Variants in STIP1 observed in about 807,000 individuals in gnomAD.
STIP1 encodes stress-induced-phosphoprotein 1.
Under a neutral mutation model 77.4 loss-of-function variants are expected in STIP1, and 16 were observed. That is an observed-to-expected ratio of 0.21 (90% CI 0.14 to 0.31). STIP1 has a LOEUF of 0.31. Ranked by LOEUF, STIP1 falls within the 10% of genes least tolerant of loss-of-function variation. The pLI, the probability that STIP1 is intolerant of heterozygous loss-of-function variation, is 1.00. For missense variants in STIP1, 524 were observed against 684.8 expected (o/e 0.77, Z 2.62); for synonymous variants, 258 against 246.6 (o/e 1.05, Z -0.44).
intron 8 of STIP1, 117 bp downstream of exon 8, chr11:64,198,091 CTCTT>C (rs1488991882): frequency 2.2e-6 from 3 of 1,375,700 alleles, no homozygotes; most frequent in Non-Finnish European, 2.9e-6. Context: ...TAGGGTCTCA[CTCTT>C]TCACCCAGGC....
intron 1 of STIP1, among the ~76,000 whole-genome samples, chr11:64,188,398 T>C (rs2134780984): frequency 1.3e-5 from 2 of 152,018 alleles, no homozygotes; most frequent in South Asian, 4.1e-4. Context: ...TATTTTGTAT[T>C]TTTTTTAGAG....
At chr11:64,195,929 A>T (rs1189924990) in intron 5 of STIP1, 116 bp downstream of exon 5, 1 of 1,442,852 alleles carries the variant, frequency 6.9e-7, no homozygotes, top group Non-Finnish European at 9.5e-7. Context: ...TTTTTTAGAG[A>T]CGGAGTCTTG....
At chr11:64,198,414 T>C (rs544141245) in intron 8 of STIP1, among the ~76,000 whole-genome samples, 2 of 152,210 alleles carry the variant, frequency 1.3e-5, no homozygotes, top group East Asian at 3.9e-4. Flanking sequence ...GGTTTCATTA[T>C]ATGGACCAGG....
At chr11:64,194,447 T>G in intron 3 of STIP1, 32 bp from the exon 4 acceptor site, 2 of 1,613,584 alleles carry the variant, frequency 1.2e-6, no homozygotes, top group South Asian at 1.1e-5. Context: ...TGAACTCATT[T>G]CATAGTGATG....
intron 3 of STIP1, 30 bp from the exon 4 acceptor site, chr11:64,194,449 A>T (rs746346018): frequency 1.2e-6 from 2 of 1,613,656 alleles, no homozygotes; most frequent in Non-Finnish European, 1.7e-6. Context: ...AACTCATTTC[A>T]TAGTGATGTG....
At chr11:64,201,656 T>C (rs1372923098) in intron 10 of STIP1, among the ~76,000 whole-genome samples, 1 of 152,202 alleles carries the variant, frequency 6.6e-6, no homozygotes, top group African/African-American at 2.4e-5. Context: ...CACTGTCTTC[T>C]GGGTCTGTGT....
In STIP1 at chr11:64,204,401, A is replaced by G. The variant is rs1591017948; in HGVS notation, c.*275A>G. ...TAGTTGCTGTCTCGGCTGCTCTCCCATAGTTGGTTTTTTTTTTATTTGGGG... is the reference window on the plus strand; with the variant it reads ...TAGTTGCTGTCTCGGCTGCTCTCCCGTAGTTGGTTTTTTTTTTATTTGGGG... On this transcript the variant is annotated 3_prime_UTR_variant, in exon 14 of 14. Coordinates refer to ENST00000305218, the MANE Select transcript of STIP1 (RefSeq NM_006819.3). 2 of 446,824 alleles carry G rather than the reference A, an allele frequency of 4.5e-6. No individual in the cohort carries two copies. The highest frequency in any genetic ancestry group is 7.9e-6 in the Non-Finnish European group (2 of 254,210). 27.7% of individuals were successfully genotyped at this position (446,824 alleles called of 1,614,324 possible).
intron 4 of STIP1, 85 bp downstream of exon 4, chr11:64,194,705 G>T (rs1946129212): frequency 1.3e-6 from 2 of 1,516,498 alleles, no homozygotes; most frequent in East Asian, 2.4e-5. Flanking sequence ...GGGTTCCCTG[G>T]TCTAAACTGC....
chr11:64,198,926 G>A (rs1364533523), intron 8 of STIP1, among the ~76,000 whole-genome samples: 1 of 151,910 alleles, frequency 6.6e-6, no homozygotes. Context: ...ATAGCCGGGT[G>A]CAGTGGCTCA....
intron 1 of STIP1, among the ~76,000 whole-genome samples, chr11:64,192,666 C>T (rs1264056530): frequency 6.6e-6 from 1 of 152,246 alleles, no homozygotes; most frequent in Non-Finnish European, 1.5e-5. Flanking sequence ...ATCAGTGCCA[C>T]TCCGCCCACC....
At chr11:64,197,212 A>AT in intron 5 of STIP1, 59 bp from the exon 6 acceptor site, 1 of 1,603,922 alleles carries the variant, frequency 6.2e-7, no homozygotes, top group Middle Eastern at 1.8e-4. Flanking sequence ...CAGATCATAG[A>AT]TTCTTGCTTT....
chr11:64,201,693 A>G (rs1181154913), intron 10 of STIP1, among the ~76,000 whole-genome samples: 1 of 152,140 alleles, frequency 6.6e-6, no homozygotes, highest in Non-Finnish European at 1.5e-5. Flanking sequence ...CATTTCTACT[A>G]GTAGGATTGT....
At chr11:64,202,643 C>T in intron 10 of STIP1, 1 of 572,160 alleles carries the variant, frequency 1.7e-6, no homozygotes, top group Non-Finnish European at 3.1e-6. Flanking sequence ...TCTTCAGTTT[C>T]TCAAACTGGA....
intron 10 of STIP1, among the ~76,000 whole-genome samples, chr11:64,201,024 G>T (rs1478257665): frequency 1.4e-5 from 2 of 140,418 alleles, no homozygotes; most frequent in African/African-American, 3.0e-5. Flanking sequence ...ACCACGCTTG[G>T]CCCCCTTTTT....
chr11:64,191,101 C>T (rs189155819), intron 1 of STIP1, among the ~76,000 whole-genome samples: 3 of 150,806 alleles, frequency 2.0e-5, no homozygotes, highest in African/African-American at 7.3e-5. Flanking sequence ...GCAGGAGAAT[C>T]GCTTGAACCT....
chr11:64,202,005 T>C (rs1281957390), intron 10 of STIP1, among the ~76,000 whole-genome samples: 1 of 152,246 alleles, frequency 6.6e-6, no homozygotes, highest in Non-Finnish European at 1.5e-5. Flanking sequence ...CTGTTTTTGC[T>C]GAACTGTTTG....
intron 10 of STIP1, among the ~76,000 whole-genome samples, chr11:64,201,529 G>GT (rs1368870639): frequency 4.6e-5 from 7 of 152,128 alleles, no homozygotes; most frequent in East Asian, 1.9e-4. Context: ...TCTATCAGCA[G>GT]TTTTTTTTGA....
intron 10 of STIP1, 88 bp downstream of exon 10, chr11:64,200,381 A>G (rs1437408746): frequency 6.6e-7 from 1 of 1,516,634 alleles, no homozygotes. Context: ...CATTGAGTTG[A>G]TGATGATCAT....
At chr11:64,185,896 C>T (rs915726808), upstream of STIP1, 3 of 1,536,160 alleles carry the variant, frequency 2.0e-6, no homozygotes, top group Non-Finnish European at 2.6e-6. Context: ...GCGGCCAGCG[C>T]GGCTACGATT....
Sources: gnomAD v4.1 joint callset for allele counts (sites outside exome capture counted in the v4.1 genomes callset) on GRCh38, gnomAD v4.1.1 for gene constraint, MANE v1.5 for transcripts, NCBI Gene and HGNC (gene_info 2026-07-23, HGNC 2026-07-21) for gene names.